The following DGKG variants were observed in gnomAD, a reference collection of about 807,000 sequenced individuals.
DGKG encodes the protein diacylglycerol kinase gamma, also known as DAG kinase gamma.
DGKG carries 78 observed loss-of-function variants against 105.3 expected under a neutral mutation model. That is an observed-to-expected ratio of 0.74 (90% CI 0.62 to 0.89). DGKG has a LOEUF of 0.89. Among genes scored for constraint, DGKG ranks in the 40% least tolerant of loss-of-function variants. The probability of loss-of-function intolerance (pLI) is 0.00; values close to 1 mark genes in which losing one functional copy is unlikely to be tolerated. For missense variants in DGKG, 958 were observed against 1,020.1 expected, an observed-to-expected ratio of 0.94 and a Z score of 0.83; for synonymous variants, 346 against 367.1, an observed-to-expected ratio of 0.94 and a Z score of 0.66.
intron 23 of DGKG, among the ~76,000 whole-genome samples, chr3:186,163,905 A>T (rs1716415754): frequency 6.6e-6 from 1 of 152,188 alleles, no homozygotes; most frequent in Non-Finnish European, 1.5e-5. Flanking sequence ...TCATGACAAC[A>T]GCTCAGAAAG....
At chr3:186,274,429 G>A (rs1028006207) in intron 10 of DGKG, among the ~76,000 whole-genome samples, 3 of 151,682 alleles carry the variant, frequency 2.0e-5, no homozygotes, top group Admixed American at 6.6e-5. Flanking sequence ...GGGTACATGT[G>A]CACAATGTGC....
chr3:186,197,705 G>T (rs1718252077), intron 21 of DGKG, among the ~76,000 whole-genome samples: 1 of 152,116 alleles, frequency 6.6e-6, no homozygotes, highest in African/African-American at 2.4e-5. Context: ...CTGAGGGAGA[G>T]GGTTAGCTGA....
At chr3:186,327,982 T>G (rs576559250) in intron 1 of DGKG, among the ~76,000 whole-genome samples, 1 of 152,070 alleles carries the variant, frequency 6.6e-6, no homozygotes, top group Non-Finnish European at 1.5e-5. Context: ...CCCCATTACC[T>G]CCTGCCCCAC....
At chr3:186,324,210 A>G (rs1725228065) in intron 1 of DGKG, among the ~76,000 whole-genome samples, 1 of 152,136 alleles carries the variant, frequency 6.6e-6, no homozygotes, top group African/African-American at 2.4e-5. Context: ...ACTGCATGAC[A>G]GAACAACACT....
intron 1 of DGKG, among the ~76,000 whole-genome samples, chr3:186,350,153 G>A (rs765929268): frequency 1.7e-4 from 26 of 152,128 alleles, no homozygotes; most frequent in Non-Finnish European, 3.5e-4. Flanking sequence ...GCCTCCAAAA[G>A]TGCTGGGATT....
At chr3:186,236,498 C>T (rs1300373834) in intron 20 of DGKG, among the ~76,000 whole-genome samples, 2 of 152,242 alleles carry the variant, frequency 1.3e-5, no homozygotes, top group Non-Finnish European at 2.9e-5. Flanking sequence ...AGAAGATTAA[C>T]TTGCCCAAGG....
intron 24 of DGKG, chr3:186,160,780 ACGATTGC>A: frequency 3.0e-6 from 3 of 985,458 alleles, no homozygotes; most frequent in Non-Finnish European, 3.6e-6. Context: ...AACCAGGACG[ACGATTGC>A]TCTTCACCAC....
chr3:186,344,242 C>T (rs1726222536), intron 1 of DGKG, among the ~76,000 whole-genome samples: 1 of 152,106 alleles, frequency 6.6e-6, no homozygotes, highest in East Asian at 1.9e-4. Context: ...TGGGTATGTA[C>T]CCAGAGGAAT....
chr3:186,324,594 A>G (rs1206314987), intron 1 of DGKG, among the ~76,000 whole-genome samples: 1 of 152,194 alleles, frequency 6.6e-6, no homozygotes, highest in Non-Finnish European at 1.5e-5. Flanking sequence ...AAAGAAGACA[A>G]TACAAGTGGC....
In DGKG at chr3:186,148,528, C is replaced by G. The variant is rs1715602982; in HGVS notation, c.*1562G>C. The G allele has an allele frequency of 1.0e-6, 1 of 985,438 alleles. No individual in the cohort carries two copies. The highest frequency in any genetic ancestry group is 4.7e-5 in the South Asian group (1 of 21,282). 61.0% of individuals were successfully genotyped at this position (985,438 alleles called of 1,614,324 possible). A position where few individuals can be genotyped will look rare whatever the true frequency, so the allele number is the denominator to read the frequency against. ...TGTACGTTTGTTCCTCCCTGGCAAC[C>G]TGGATCCAAGTGGACTCACTTTTCA... On this transcript the variant is annotated 3_prime_UTR_variant, in exon 25 of 25. Coordinates refer to ENST00000265022, the MANE Select transcript of DGKG (RefSeq NM_001346.3).
intron 1 of DGKG, among the ~76,000 whole-genome samples, chr3:186,357,654 T>C (rs930336614): frequency 6.6e-6 from 1 of 152,184 alleles, no homozygotes; most frequent in Non-Finnish European, 1.5e-5. Flanking sequence ...GCCCAGTAAG[T>C]GCTATTGCTA....
intron 1 of DGKG, among the ~76,000 whole-genome samples, chr3:186,343,049 T>C (rs2108662407): frequency 6.6e-6 from 1 of 152,184 alleles, no homozygotes; most frequent in South Asian, 2.1e-4. Context: ...AAATACTAAA[T>C]GACAATAACA....
chr3:186,359,561 T>C (rs1447453031), intron 1 of DGKG, among the ~76,000 whole-genome samples: 1 of 152,158 alleles, frequency 6.6e-6, no homozygotes, highest in African/African-American at 2.4e-5. Context: ...GCAAGTCACC[T>C]GAAGTCTTAG....
In DGKG at chr3:186,306,886, T is replaced by C. The variant is rs774084962; in HGVS notation, c.144+15A>G. On this transcript the variant is annotated intron_variant, in intron 3 of 24. Coordinates refer to ENST00000265022, the MANE Select transcript of DGKG (RefSeq NM_001346.3). ...CACAGGGGTTTTTAAAGGCTTAAAA[T>C]GGAAATGTTCTTACCTCATGTGGGT... 9 of 1,580,276 alleles carry C rather than the reference T, an allele frequency of 5.7e-6. No homozygotes were observed. Among genetic ancestry groups the C allele is most frequent in the Admixed American group, 1.7e-5 (1 of 59,210 alleles).
chr3:186,199,240 C>A (rs535872374), intron 21 of DGKG, among the ~76,000 whole-genome samples: 22 of 152,114 alleles, frequency 1.4e-4, no homozygotes, highest in Non-Finnish European at 4.4e-5. Flanking sequence ...TGAGCCACCA[C>A]GCCTGGCTTT....
intron 20 of DGKG, among the ~76,000 whole-genome samples, chr3:186,234,009 C>T (rs1314024256): frequency 2.6e-5 from 4 of 152,224 alleles, no homozygotes; most frequent in Non-Finnish European, 5.9e-5. Flanking sequence ...TCATTGCCAG[C>T]ATGGGCTTGA....
Position 186,288,909 on chromosome 3 carries a change from G to A in DGKG, c.374-29C>T, listed in dbSNP as rs200903351. The A allele has an allele frequency of 3.3e-4, 497 of 1,515,588 alleles. 1 individual carries two copies. Among genetic ancestry groups the A allele is most frequent in the Non-Finnish European group, 3.9e-4 (441 of 1,133,332 alleles). The allele number at this position is 1,515,588 out of a possible 1,614,324, so 93.9% of individuals were successfully genotyped here. A position where few individuals can be genotyped will look rare whatever the true frequency, so the allele number is the denominator to read the frequency against. ...CGATGAACAAAAGGAAAACATCCAAGGACATTTTCTGTTTAGTAAATATTA... is the reference window on the plus strand; with the variant it reads ...CGATGAACAAAAGGAAAACATCCAAAGACATTTTCTGTTTAGTAAATATTA... On this transcript the variant is annotated intron_variant, in intron 5 of 24. Coordinates refer to ENST00000265022, the MANE Select transcript of DGKG (RefSeq NM_001346.3).
At position 186,361,096 on chromosome 3, in the gene DGKG, G is replaced by A. The variant is rs941068657; in HGVS notation, c.-249+850C>T. On this transcript the variant is annotated intron_variant, in intron 1 of 24. Transcript: ENST00000265022. This position sits in a 1 kb window ranked among gnomAD's most constrained non-coding sequence, Gnocchi z 6.8. ...GGTCTCGACCGCCACCCTGAGTTCC[G>A]CAGCTCATCCCTCCCATCTGGGAGG... is the stretch of plus-strand genomic sequence containing the variant. Among the ~76,000 whole-genome samples the A allele has an allele frequency of 6.6e-5, 10 of 152,202 alleles. No homozygotes were observed. The highest frequency in any genetic ancestry group is 1.9e-4 in the African/African-American group (8 of 41,464).
intron 21 of DGKG, among the ~76,000 whole-genome samples, chr3:186,205,730 C>T (rs1718700982): frequency 6.6e-6 from 1 of 151,720 alleles, no homozygotes; most frequent in Non-Finnish European, 1.5e-5. Flanking sequence ...AAAACAACAA[C>T]CACAACAACA....
Sources: gnomAD v4.1 joint callset for allele counts (sites outside exome capture counted in the v4.1 genomes callset) on GRCh38, gnomAD v4.1.1 for gene constraint, Gnocchi (gnomAD v3.1) non-coding constraint, MANE v1.5 for transcripts, NCBI Gene and HGNC (gene_info 2026-07-23, HGNC 2026-07-21) for gene names.